DNAAF11: variants seen among roughly 807,000 people sequenced by gnomAD.
DNAAF11 encodes the protein dynein axonemal assembly factor 11.
DNAAF11 carries 45 observed loss-of-function variants against 60.8 expected under a neutral mutation model. The ratio of observed to expected loss-of-function variants is 0.74; its 90% CI spans 0.58 to 0.95. The LOEUF is 0.95. Among genes scored for constraint, DNAAF11 ranks in the 40% least tolerant of loss-of-function variants. The pLI is 0.00. For missense variants in DNAAF11, 546 were observed against 546.2 expected (o/e 1.00, Z 0.00); for synonymous variants, 191 against 183.5 (o/e 1.04, Z -0.33).
At chr8:132,684,143 C>A in the DNAAF11 span, among the ~76,000 whole-genome samples, 1 of 152,206 alleles carries the variant, frequency 6.6e-6, no homozygotes, top group Non-Finnish European at 1.5e-5. Flanking sequence ...CAACACTTCC[C>A]TCACTTCTGA....
At chr8:132,616,354 G>A (rs1265407436) in intron 7 of DNAAF11, among the ~76,000 whole-genome samples, 1 of 152,124 alleles carries the variant, frequency 6.6e-6, no homozygotes, top group Non-Finnish European at 1.5e-5. Context: ...AGAACAGAAT[G>A]TAGGAGGCCA....
upstream of DNAAF11, among the ~76,000 whole-genome samples, chr8:132,676,031 G>C (rs1443908570): frequency 6.6e-6 from 1 of 152,094 alleles, no homozygotes; most frequent in Non-Finnish European, 1.5e-5. Context: ...TAGATAATTT[G>C]AGTGAATGAA....
intron 11 of DNAAF11, among the ~76,000 whole-genome samples, chr8:132,583,344 T>C (rs1373723275): frequency 6.6e-6 from 1 of 152,126 alleles, no homozygotes; most frequent in Non-Finnish European, 1.5e-5. Context: ...AACTGGAAAC[T>C]GAGCATAAAA....
intron 8 of DNAAF11, among the ~76,000 whole-genome samples, chr8:132,613,682 T>C (rs1432000088): frequency 2.0e-5 from 3 of 152,210 alleles, no homozygotes; most frequent in African/African-American, 7.2e-5. Flanking sequence ...CGATTTTAAG[T>C]TATGTGTATT....
the DNAAF11 span, among the ~76,000 whole-genome samples, chr8:132,684,252 C>A: frequency 6.6e-6 from 1 of 152,102 alleles, no homozygotes; most frequent in African/African-American, 2.4e-5. Flanking sequence ...ACAGAAACAG[C>A]TACAGTTTAT....
At chr8:132,656,574 C>T (rs1013654698) in intron 3 of DNAAF11, among the ~76,000 whole-genome samples, 2 of 152,112 alleles carry the variant, frequency 1.3e-5, no homozygotes, top group East Asian at 1.9e-4. Context: ...TGGGTTCAAG[C>T]GATTCTCCTG....
In DNAAF11 at chr8:132,583,980, G is replaced by A. The variant is rs574506462; in HGVS notation, c.1141-201C>T. Among the ~76,000 whole-genome samples the A allele has an allele frequency of 9.2e-5, 14 of 152,186 alleles. No homozygotes were observed. In the East Asian group the frequency reaches 1.2e-3, roughly 13 times the overall value. On this transcript the variant is annotated intron_variant, in intron 10 of 11. Transcript: ENST00000620350. ...ATTGTATCTGTTGCAAGAGTCTCGC[G>A]AAGCCACAAGCTATCTACAACTGCC... is the stretch of plus-strand genomic sequence containing the variant.
intron 10 of DNAAF11, among the ~76,000 whole-genome samples, chr8:132,596,247 A>G (rs912869078): frequency 2.0e-5 from 3 of 152,190 alleles, no homozygotes; most frequent in African/African-American, 4.8e-5. Context: ...TTATATTATG[A>G]GGAAAATTTT....
In DNAAF11 at chr8:132,572,188, G is replaced by C. The variant is rs768902138; in HGVS notation, c.*118C>G. The C allele has an allele frequency of 5.2e-6, 4 of 774,440 alleles. No homozygotes were observed. Among genetic ancestry groups the C allele is most frequent in the Non-Finnish European group, 8.3e-6 (4 of 484,284 alleles). The allele number at this position is 774,440 out of a possible 1,614,324, so 48.0% of individuals were successfully genotyped here. The stretch of plus-strand genomic sequence containing the variant: ...ATGCAAAGTAAGAGTTAAAACACTG[G>C]AGCAGCGATATTGACAAATAACTCT... On this transcript the variant is annotated 3_prime_UTR_variant, in exon 12 of 12. Coordinates refer to ENST00000620350, the MANE Select transcript of DNAAF11 (RefSeq NM_012472.6).
chr8:132,579,912 G>A (rs773319423), intron 11 of DNAAF11, among the ~76,000 whole-genome samples: 1 of 151,834 alleles, frequency 6.6e-6, no homozygotes. Flanking sequence ...CACAAGAATC[G>A]CTTGAACTGG....
chr8:132,702,314 G>A, the DNAAF11 span: 2 of 152,142 alleles, frequency 1.3e-5, no homozygotes, highest in African/African-American at 4.8e-5. Context: ...AGCTAGAAAT[G>A]GTGGAACTGC....
At chr8:132,652,216 A>C (rs114900992) in intron 3 of DNAAF11, among the ~76,000 whole-genome samples, 74 of 152,312 alleles carry the variant, frequency 4.9e-4, no homozygotes, top group African/African-American at 1.7e-3. Context: ...CGCCCCACCC[A>C]CTTGCAGAGT....
chr8:132,654,621 G>A (rs1422994585), intron 3 of DNAAF11, among the ~76,000 whole-genome samples: 1 of 149,200 alleles, frequency 6.7e-6, no homozygotes, highest in Non-Finnish European at 1.5e-5. Flanking sequence ...AGTAAAATGA[G>A]AAAATGTGGG....
intron 2 of DNAAF11, 110 bp from the exon 3 acceptor site, chr8:132,657,017 A>G (rs1054877199): frequency 2.3e-5 from 11 of 482,410 alleles, no homozygotes; most frequent in African/African-American, 2.1e-4. Flanking sequence ...TATTATGGTT[A>G]TCAAAACCAT....
intron 10 of DNAAF11, among the ~76,000 whole-genome samples, chr8:132,599,933 C>T (rs1280012945): frequency 6.6e-6 from 1 of 152,070 alleles, no homozygotes; most frequent in Non-Finnish European, 1.5e-5. Context: ...GACAATCAGG[C>T]AGGAGAAAGA....
chr8:132,693,797 C>A, the DNAAF11 span, among the ~76,000 whole-genome samples: 1 of 151,920 alleles, frequency 6.6e-6, no homozygotes, highest in Non-Finnish European at 1.5e-5. Context: ...AATGGCAATG[C>A]CTGATGAGGA....
chr8:132,595,881 G>C (rs999500961), intron 10 of DNAAF11, among the ~76,000 whole-genome samples: 1 of 152,308 alleles, frequency 6.6e-6, no homozygotes, highest in South Asian at 2.1e-4. Flanking sequence ...TAGTCCAGTT[G>C]GGGGAGGACA....
chr8:132,700,055 C>G, the DNAAF11 span, among the ~76,000 whole-genome samples: 1 of 152,072 alleles, frequency 6.6e-6, no homozygotes, highest in East Asian at 1.9e-4. Context: ...CACAACACTG[C>G]AACTGTACTA....
chr8:132,676,630 T>C (rs922088859), upstream of DNAAF11, among the ~76,000 whole-genome samples: 6 of 142,176 alleles, frequency 4.2e-5, no homozygotes, highest in Admixed American at 2.0e-4. Context: ...CTGGCAATTA[T>C]TAGAGTTTGC....
Sources: gnomAD v4.1 joint callset for allele counts (sites outside exome capture counted in the v4.1 genomes callset) on GRCh38, gnomAD v4.1.1 for gene constraint, MANE v1.5 for transcripts, NCBI Gene and HGNC (gene_info 2026-07-23, HGNC 2026-07-21) for gene names.